ACAD10: variants seen among roughly 807,000 people sequenced by gnomAD.
ACAD10 encodes ACAD-10.
A neutral mutation model predicts 116.8 loss-of-function variants in ACAD10; 112 were observed. The observed-to-expected ratio is 0.96, with a 90% confidence interval of 0.82 to 1.12. The LOEUF is 1.12. Among genes scored for constraint, ACAD10 ranks in the 50% most tolerant of loss-of-function variants. The pLI, the probability that ACAD10 is intolerant of heterozygous loss-of-function variation, is 0.00. For synonymous variants in ACAD10, 486 were observed against 510.6 expected (o/e 0.95, Z 0.65); for missense variants, 1,259 against 1,350.2 (o/e 0.93, Z 1.06).
chr12:111,748,339 A>C lies in ACAD10; in HGVS notation c.2508A>C (p.Gln836His). The change falls in exon 17 of 21, where the codon CAA becomes CAC. Residue 836 changes from glutamine (Q) to histidine (H), a missense_variant. Transcript: ENST00000313698. ...CAGGCATCCTGGATCCTCGTTGCCA[A>C]CTCTGTGTGTTTATGGGAAAAACAG... is the stretch of plus-strand genomic sequence containing the variant. ...WITGILDPRC[Q>H]LCVFMGKTDP... is the part of the protein sequence containing the mutation. 1 of 1,613,824 alleles carries C rather than the reference A, an allele frequency of 6.2e-7. No homozygotes were observed. The highest frequency in any genetic ancestry group is 8.5e-7 in the Non-Finnish European group (1 of 1,179,966).
In ACAD10 at chr12:111,746,944, G is replaced by A. The variant is rs1889920591; in HGVS notation, c.2257-105G>A. ...GAGCTGAGGAAGTCGAGGCTGCAGT[G>A]AGCCATGATCGTGCCACGATACTCC... On this transcript the variant is annotated intron_variant, in intron 14 of 20. Transcript: ENST00000313698. 3 of 1,450,534 alleles carry A rather than the reference G, an allele frequency of 2.1e-6. No homozygotes were observed. In the Admixed American group the frequency reaches 7.0e-5, roughly 34 times the overall value. The allele number at this position is 1,450,534 out of a possible 1,614,324, so 89.9% of individuals were successfully genotyped here. A position where few individuals can be genotyped will look rare whatever the true frequency, so the allele number is the denominator to read the frequency against.
intron 10 of ACAD10, among the ~76,000 whole-genome samples, chr12:111,731,545 A>G (rs1463781467): frequency 6.6e-6 from 1 of 152,184 alleles, no homozygotes; most frequent in Admixed American, 6.5e-5. Flanking sequence ...GTGATCAAGT[A>G]TACAGCAGGC....
chr12:111,756,768 G>C lies in ACAD10; in HGVS notation c.*295G>C. 8.9e-6 allele frequency: 5 copies of C among 562,570 alleles called. No homozygotes were observed. The highest frequency in any genetic ancestry group is 6.1e-5 in the South Asian group (4 of 65,494). 34.8% of individuals were successfully genotyped at this position (562,570 alleles called of 1,614,324 possible). A position where few individuals can be genotyped will look rare whatever the true frequency, so the allele number is the denominator to read the frequency against. ...CTCAGTCCCAGGCTGGGCAGGCACG[G>C]TCACTTCACTTCAGCCTTTCAGTCC... On this transcript the variant is annotated 3_prime_UTR_variant, in exon 21 of 21. Transcript: ENST00000313698.
intron 16 of ACAD10, chr12:111,747,686 C>T: frequency 8.4e-7 from 1 of 1,183,488 alleles, no homozygotes. Context: ...CTGCTTTGGG[C>T]AGCTCCCCTT....
At chr12:111,753,684 C>T (rs1198077642) in intron 18 of ACAD10, 88 bp from the exon 19 acceptor site, 24 of 1,580,306 alleles carry the variant, frequency 1.5e-5, no homozygotes, top group Non-Finnish European at 2.1e-5. Flanking sequence ...TGTCTGCTTC[C>T]ACCCAGCTCT....
chr12:111,729,468 ACCT>A, intron 9 of ACAD10, among the ~76,000 whole-genome samples: 1 of 151,870 alleles, frequency 6.6e-6, no homozygotes, highest in South Asian at 2.1e-4. Flanking sequence ...CGAACTCCTG[ACCT>A]CCTGCCTGCG....
At chr12:111,747,018 C>T (rs368514836) in intron 14 of ACAD10, 31 bp from the exon 15 acceptor site, 57 of 1,546,068 alleles carry the variant, frequency 3.7e-5, no homozygotes, top group African/African-American at 2.1e-4. Context: ...GAGGACATGA[C>T]AGTCATGGTC....
At chr12:111,711,430 C>A (rs905675777) in intron 5 of ACAD10, among the ~76,000 whole-genome samples, 1 of 151,766 alleles carries the variant, frequency 6.6e-6, no homozygotes, top group Non-Finnish European at 1.5e-5. Flanking sequence ...CTCGATCTCT[C>A]GATCTCCTGA....
chr12:111,735,459 A>ATT (rs1177915405), intron 11 of ACAD10, among the ~76,000 whole-genome samples: 4 of 145,298 alleles, frequency 2.8e-5, no homozygotes, highest in Admixed American at 6.9e-5. Context: ...AAATAAGTGA[A>ATT]TTTTTTTTTT....
intron 2 of ACAD10, 42 bp from the exon 3 acceptor site, chr12:111,702,120 T>C: frequency 3.1e-6 from 5 of 1,595,968 alleles, no homozygotes; most frequent in Non-Finnish European, 4.3e-6. Context: ...AACCCCAGCA[T>C]GTATCAATGT....
In ACAD10 at chr12:111,715,866, C is replaced by T; in HGVS notation, c.896C>T (p.Thr299Ile). 11 of 1,614,188 alleles carry T rather than the reference C, an allele frequency of 6.8e-6. No homozygotes were observed. The highest frequency in any genetic ancestry group is 9.3e-6 in the Non-Finnish European group (11 of 1,180,036). Residue 299 changes from threonine (T) to isoleucine (I), a missense_variant, in exon 7 of 21, where the codon ACT becomes ATT. Thr to Ile is a moderately conservative substitution (Grantham distance 89). Coordinates refer to ENST00000313698, the MANE Select transcript of ACAD10 (RefSeq NM_025247.6). ...TTTGATCACGGGCAGTCAAATCCAA[C>T]TTACTACATCAGGCTGGCTAATCGT... ...LQFDHGQSNPTYYIRLANRDL... is the reference protein window; with the variant it reads ...LQFDHGQSNPIYYIRLANRDL...
At chr12:111,743,375 T>G (rs368143981) in intron 12 of ACAD10, among the ~76,000 whole-genome samples, 1,829 of 151,906 alleles carry the variant, frequency 0.012, 41 homozygotes, top group African/African-American at 0.042. Context: ...TTCTGTTTTT[T>G]TTTTTTTTTT....
At chr12:111,693,592 T>G (rs1473797157) in intron 2 of ACAD10, among the ~76,000 whole-genome samples, 1 of 152,036 alleles carries the variant, frequency 6.6e-6, no homozygotes, top group Non-Finnish European at 1.5e-5. Context: ...TTGGGAACTG[T>G]TCTACTTCTG....
At chr12:111,693,164 G>C in intron 2 of ACAD10, 1 of 460,690 alleles carries the variant, frequency 2.2e-6, no homozygotes, top group Admixed American at 3.7e-5. Context: ...TCCGTGGGAA[G>C]CACTTGCTTA....
At chr12:111,711,451 C>T (rs1255538396) in intron 5 of ACAD10, among the ~76,000 whole-genome samples, 1 of 151,970 alleles carries the variant, frequency 6.6e-6, no homozygotes, top group Non-Finnish European at 1.5e-5. Flanking sequence ...CCTCGTGATA[C>T]GCCTGCCTCG....
Position 111,756,616 on chromosome 12 carries a change from ATCT to A in ACAD10, c.*145_*147del. The A allele has an allele frequency of 7.7e-7, 1 of 1,302,478 alleles. No individual in the cohort carries two copies. The highest frequency in any genetic ancestry group is 1.1e-6 in the Non-Finnish European group (1 of 935,444). The allele number at this position is 1,302,478 out of a possible 1,614,324, so 80.7% of individuals were successfully genotyped here. A position where few individuals can be genotyped will look rare whatever the true frequency, so the allele number is the denominator to read the frequency against. Reference sequence around the variant, plus strand: ...TCCCGGGACAGTCAGGGTGGACTCAATCTTTCTGGTTCTCCACAGAAGACGTCT... The same window carrying A: ...TCCCGGGACAGTCAGGGTGGACTCAATTCTGGTTCTCCACAGAAGACGTCT... On this transcript the variant is annotated 3_prime_UTR_variant, in exon 21 of 21. Coordinates refer to ENST00000313698, the MANE Select transcript of ACAD10 (RefSeq NM_025247.6).
In ACAD10 at chr12:111,753,917, TA is replaced by T. The variant is rs769247870; in HGVS notation, c.2961+3del. The T allele has an allele frequency of 6.2e-6, 10 of 1,601,962 alleles. No homozygotes were observed. The highest frequency in any genetic ancestry group is 1.7e-5 in the Admixed American group (1 of 59,654). ...CTCATGGACCTGGCAGGAAACAAGG[TA>T]GGGGCAGGGGCACGAGGGGGCCTCC... On this transcript the variant is annotated splice_donor_region_variant and intron_variant, in intron 19 of 20. Transcript: ENST00000313698.
chr12:111,742,101 T>G (rs1765788364), intron 12 of ACAD10, among the ~76,000 whole-genome samples: 1 of 152,208 alleles, frequency 6.6e-6, no homozygotes, highest in South Asian at 2.1e-4. Context: ...ACCAGTGATG[T>G]GGTCTCTTCT....
chr12:111,737,225 C>G (rs1889593159), intron 12 of ACAD10, among the ~76,000 whole-genome samples: 1 of 152,206 alleles, frequency 6.6e-6, no homozygotes, highest in Non-Finnish European at 1.5e-5. Context: ...CTTTGTCACC[C>G]TGGCTGGAGT....
Sources: gnomAD v4.1 joint callset for allele counts (sites outside exome capture counted in the v4.1 genomes callset) on GRCh38, gnomAD v4.1.1 for gene constraint, MANE v1.5 for transcripts, NCBI Gene and HGNC (gene_info 2026-07-23, HGNC 2026-07-21) for gene names.